Variants in TBC1D2B observed in about 807,000 individuals in gnomAD.
TBC1D2B encodes the protein TBC1 domain family member 2B, also known as TBC1 domain family, member 2B.
In TBC1D2B, 64 loss-of-function variants were observed where a neutral mutation model predicts 100.8. The observed-to-expected ratio is 0.64, with a 90% CI of 0.52 to 0.78. The LOEUF (loss-of-function observed/expected upper bound fraction) is 0.78, where lower values mean the gene tolerates loss of function less well. Among genes scored for constraint, TBC1D2B ranks in the 30% least tolerant of loss-of-function variants. TBC1D2B has a pLI of 0.00. For synonymous variants in TBC1D2B, 480 were observed against 479.7 expected, an observed-to-expected ratio of 1.00 and a Z score of -0.01; for missense variants, 1,052 against 1,218.4, an observed-to-expected ratio of 0.86 and a Z score of 2.03.
intron 2 of TBC1D2B, among the ~76,000 whole-genome samples, chr15:78,052,834 AGT>A (rs2073342031): frequency 6.6e-6 from 1 of 152,212 alleles, no homozygotes; most frequent in Non-Finnish European, 1.5e-5. Context: ...GCACTATAAG[AGT>A]GGCTTTCAAA....
At chr15:78,063,201 A>G (rs2141831139) in intron 1 of TBC1D2B, among the ~76,000 whole-genome samples, 1 of 152,234 alleles carries the variant, frequency 6.6e-6, no homozygotes, top group Non-Finnish European at 1.5e-5. Flanking sequence ...TATCATGTTT[A>G]CCCATGATAA....
intron 1 of TBC1D2B, among the ~76,000 whole-genome samples, chr15:78,069,611 A>C (rs2073714280): frequency 1.3e-5 from 2 of 152,222 alleles, no homozygotes; most frequent in Admixed American, 6.5e-5. Context: ...GATAGTACTA[A>C]GAGGGAAGCC....
At chr15:78,026,254 G>C (rs1459977346) in intron 4 of TBC1D2B, among the ~76,000 whole-genome samples, 1 of 151,926 alleles carries the variant, frequency 6.6e-6, no homozygotes, top group South Asian at 2.1e-4. Flanking sequence ...TGGCAAGTGA[G>C]GCCTAATAAC....
intron 11 of TBC1D2B, chr15:78,003,079 C>T (rs1043232513): frequency 4.3e-6 from 2 of 469,784 alleles, no homozygotes; most frequent in Admixed American, 3.2e-5. Context: ...TAGCTCCCAG[C>T]GCCTATCACA....
chr15:78,038,231 CT>C (rs1326363803), intron 3 of TBC1D2B, among the ~76,000 whole-genome samples: 1 of 152,206 alleles, frequency 6.6e-6, no homozygotes, highest in African/African-American at 2.4e-5. Context: ...GATAGGGTCC[CT>C]GCCCCATGGA....
At chr15:78,054,343 C>T (rs1363531698) in intron 1 of TBC1D2B, among the ~76,000 whole-genome samples, 156 bp from the exon 2 acceptor site, 2 of 152,228 alleles carry the variant, frequency 1.3e-5, no homozygotes, top group African/African-American at 4.8e-5. Context: ...AGCTTTTGCT[C>T]ATGATGAGTT....
In TBC1D2B at chr15:77,999,914, C is replaced by A. The variant is rs140044882; in HGVS notation, c.2697-1559G>T. Among the ~76,000 whole-genome samples, 1,153 of 152,334 alleles carry A rather than the reference C, an allele frequency of 7.6e-3. 22 individuals are homozygous for A. The highest frequency in any genetic ancestry group is 0.026 in the African/African-American group (1,086 of 41,560). Reference sequence around the variant, plus strand: ...AGCGCCTTAAAAGGCTCCTAGAAGTCCTGCTGCAGAACATGGTTCAATCCT... The same window carrying A: ...AGCGCCTTAAAAGGCTCCTAGAAGTACTGCTGCAGAACATGGTTCAATCCT... On this transcript the variant is annotated intron_variant, in intron 12 of 12. Transcript: ENST00000300584.
At chr15:78,001,501 C>T (rs2071911665) in intron 12 of TBC1D2B, 118 bp downstream of exon 12, 2 of 1,312,542 alleles carry the variant, frequency 1.5e-6, no homozygotes, top group Non-Finnish European at 2.0e-6. Context: ...ATGCCCTCTC[C>T]AACACTGTAC....
chr15:78,016,220 CTG>C (rs2072370674), intron 8 of TBC1D2B, among the ~76,000 whole-genome samples: 1 of 152,046 alleles, frequency 6.6e-6, no homozygotes, highest in Non-Finnish European at 1.5e-5. Flanking sequence ...TTTGAACCAC[CTG>C]TGGGTAGGGC....
chr15:78,003,812 C>T (rs1290466684), intron 10 of TBC1D2B, among the ~76,000 whole-genome samples: 3 of 152,198 alleles, frequency 2.0e-5, no homozygotes, highest in African/African-American at 7.2e-5. Flanking sequence ...GCAGGTAGGA[C>T]AGTCAGCCTT....
intron 8 of TBC1D2B, among the ~76,000 whole-genome samples, chr15:78,015,795 A>C (rs2072357608): frequency 6.6e-6 from 1 of 152,226 alleles, no homozygotes; most frequent in Non-Finnish European, 1.5e-5. Flanking sequence ...ACATCCATAA[A>C]AGTGTTTAGT....
In TBC1D2B at chr15:78,024,258, C is replaced by T; in HGVS notation, c.1368G>A (p.Lys456=). ...GCCCGTTGCCCTCGCCCTCGCTGAG[C>T]TTGATGATGACCTCGTCCTTGGCTT... The part of the protein sequence containing the change: ...TIQAKDEVII[K]LSEGEGNGPP... Residue 456 remains lysine, a synonymous_variant, in exon 6 of 13, where the codon AAG becomes AAA. Coordinates refer to ENST00000300584, the MANE Select transcript of TBC1D2B (RefSeq NM_144572.2). 1 of 1,614,026 alleles carries T rather than the reference C, an allele frequency of 6.2e-7. No individual in the cohort carries two copies. The highest frequency in any genetic ancestry group is 8.5e-7 in the Non-Finnish European group (1 of 1,179,910).
intron 1 of TBC1D2B, among the ~76,000 whole-genome samples, chr15:78,058,299 A>T (rs2141819064): frequency 6.6e-6 from 1 of 152,334 alleles, no homozygotes. Flanking sequence ...TTATAACATA[A>T]GCCAAGGGCA....
chr15:78,012,874 A>G lies in TBC1D2B; in HGVS notation c.2219T>C (p.Leu740Pro). Residue 740 changes from leucine (L) to proline (P), a missense_variant, in exon 9 of 13, where the codon CTC becomes CCC. This residue lies in a region of TBC1D2B where 373 missense variants were observed against 464.9 expected (regional missense o/e 0.80). Coordinates refer to ENST00000300584, the MANE Select transcript of TBC1D2B (RefSeq NM_144572.2). ...EGIQKLRNVL[L>P]AFSWRNPDIG... ...ATCTGGATTCCGCCAGGAGAAGGCG[A>G]GGAGGACATTGCGTAACTTCTGTAT... 1 of 1,518,936 alleles carries G rather than the reference A, an allele frequency of 6.6e-7. No individual in the cohort carries two copies. Among genetic ancestry groups the G allele is most frequent in the South Asian group, 1.3e-5 (1 of 74,612 alleles). The allele number at this position is 1,518,936 out of a possible 1,614,324, so 94.1% of individuals were successfully genotyped here.
chr15:78,031,554 C>CAAAAAAAAAAAAAA lies in TBC1D2B; in HGVS notation c.684-1398_684-1385dup, dbSNP rs1225713046. Among the ~76,000 whole-genome samples, 3 of 54,898 alleles carry CAAAAAAAAAAAAAA rather than the reference C, an allele frequency of 5.5e-5. 1 individual carries two copies. The highest frequency in any genetic ancestry group is 3.0e-4 in the Admixed American group (1 of 3,306). The allele number at this position is 54,898 out of a possible 152,430, so 36.0% of individuals were successfully genotyped here. ...GGGCGATAGAGCAAGACTCTGTCTC[C>CAAAAAAAAAAAAAA]AAAAAAAAAAAAAAAAAAAAAGAGA... On this transcript the variant is annotated intron_variant, in intron 3 of 12. Transcript: ENST00000300584.
At chr15:78,018,358 T>A (rs2072429248) in intron 6 of TBC1D2B, among the ~76,000 whole-genome samples, 1 of 152,218 alleles carries the variant, frequency 6.6e-6, no homozygotes, top group Non-Finnish European at 1.5e-5. Context: ...ACATATTTTC[T>A]GAAGGTTCTC....
intron 1 of TBC1D2B, among the ~76,000 whole-genome samples, chr15:78,061,334 A>T (rs1435088332): frequency 6.6e-6 from 1 of 152,104 alleles, no homozygotes; most frequent in African/African-American, 2.4e-5. Flanking sequence ...GCACTTTGGG[A>T]GGCAGAGGCA....
rs2071804987 is a variant in TBC1D2B, at chr15:77,997,904, G to C, written c.*256C>G. ...TGCAAATAGCCACTGGTAAGCCTGA[G>C]GATCCACCAACCAGGCAGAAAGCGT... On this transcript the variant is annotated 3_prime_UTR_variant, in exon 13 of 13. Coordinates refer to ENST00000300584, the MANE Select transcript of TBC1D2B (RefSeq NM_144572.2). 1 of 356,432 alleles carries C rather than the reference G, an allele frequency of 2.8e-6. No homozygotes were observed. Among genetic ancestry groups the C allele is most frequent in the Non-Finnish European group, 5.1e-6 (1 of 197,820 alleles). The allele number at this position is 356,432 out of a possible 1,614,324, so 22.1% of individuals were successfully genotyped here. A position where few individuals can be genotyped will look rare whatever the true frequency, so the allele number is the denominator to read the frequency against.
chr15:78,016,890 C>T, intron 7 of TBC1D2B, 151 bp from the exon 8 acceptor site: 1 of 615,724 alleles, frequency 1.6e-6, no homozygotes, highest in Non-Finnish European at 2.7e-6. Flanking sequence ...TAATTTATGC[C>T]ACAGACCACC....
Sources: allele counts gnomAD v4.1 joint callset (sites outside exome capture counted in the v4.1 genomes callset), GRCh38; gene constraint gnomAD v4.1.1; regional missense constraint gnomAD v4.1.1; transcripts MANE v1.5; gene names NCBI Gene and HGNC (gene_info 2026-07-23, HGNC 2026-07-21).